Variants in DCAF6 observed in about 807,000 individuals in gnomAD.
DCAF6 encodes DDB1 and CUL4 associated factor 6, also known as DDB1- and CUL4-associated factor 6.
A neutral mutation model predicts 125.1 loss-of-function variants in DCAF6; 54 were observed. That is an observed-to-expected ratio of 0.43 (90% CI 0.35 to 0.54). The LOEUF is 0.54. Ranked by LOEUF, DCAF6 falls within the 20% of genes least tolerant of loss-of-function variation. The pLI, the probability that DCAF6 is intolerant of heterozygous loss-of-function variation, is 0.01. For missense variants in DCAF6, 934 were observed against 1,161.7 expected, an observed-to-expected ratio of 0.80 and a Z score of 2.85; for synonymous variants, 371 against 390.4, an observed-to-expected ratio of 0.95 and a Z score of 0.58.
the DCAF6 span, among the ~76,000 whole-genome samples, chr1:167,920,263 T>C: frequency 0.019 from 2,918 of 152,286 alleles, 65 homozygotes; most frequent in African/African-American, 0.049. Context: ...AATACTCAAT[T>C]CTTACATGAA....
chr1:167,920,204 A>C, the DCAF6 span: 2 of 677,040 alleles, frequency 3.0e-6, no homozygotes, highest in South Asian at 4.4e-5. Flanking sequence ...GGGACAAAGA[A>C]ATGCTATACT....
At position 168,002,564 on chromosome 1, in the gene DCAF6, G is replaced by A; in HGVS notation, c.986G>A (p.Arg329Gln). ...CCCAGAGCAAGGCCGGAGAGTGAAC[G>A]AGAACGAGATGGTAACTATACTTTG... ...TGPRARPESE[R>Q]ERDGEQSPNV... The change falls in exon 8 of 22, where the codon CGA becomes CAA. Residue 329 changes from arginine (R) to glutamine (Q), a missense_variant. Arg to Gln is a conservative substitution (Grantham distance 43). Coordinates refer to ENST00000367840, the MANE Select transcript of DCAF6 (RefSeq NM_001198956.2). 3.1e-6 allele frequency: 5 copies of A among 1,612,530 alleles called. No individual in the cohort carries two copies. Among genetic ancestry groups the A allele is most frequent in the Non-Finnish European group, 3.4e-6 (4 of 1,178,914 alleles).
intron 5 of DCAF6, among the ~76,000 whole-genome samples, chr1:167,988,924 C>CA (rs1206894256): frequency 1.3e-5 from 2 of 149,682 alleles, no homozygotes; most frequent in Non-Finnish European, 3.0e-5. Flanking sequence ...ACAAAAAATA[C>CA]AAAAAATTAG....
the DCAF6 span, among the ~76,000 whole-genome samples, chr1:167,866,801 G>A: frequency 1.3e-5 from 2 of 151,248 alleles, no homozygotes; most frequent in Non-Finnish European, 2.9e-5. Context: ...AATGGCAGTT[G>A]GAGTTTTAAC....
intron 12 of DCAF6, among the ~76,000 whole-genome samples, chr1:168,035,404 G>A (rs760272843): frequency 3.9e-5 from 6 of 152,104 alleles, no homozygotes; most frequent in Non-Finnish European, 7.4e-5. Flanking sequence ...CCATGATTTC[G>A]CCACTGCACT....
chr1:167,997,368 G>A (rs1340979281), intron 7 of DCAF6, among the ~76,000 whole-genome samples: 1 of 152,174 alleles, frequency 6.6e-6, no homozygotes, highest in East Asian at 1.9e-4. Context: ...GGAGTGATTA[G>A]TTGTTTGAGA....
chr1:167,979,258 T>C (rs1678727756), intron 4 of DCAF6, among the ~76,000 whole-genome samples: 1 of 152,174 alleles, frequency 6.6e-6, no homozygotes, highest in South Asian at 2.1e-4. Context: ...AAGACCATTT[T>C]AACATGATAG....
At chr1:167,974,721 C>G in intron 3 of DCAF6, 109 bp from the exon 4 acceptor site, 1 of 790,028 alleles carries the variant, frequency 1.3e-6, no homozygotes, top group Non-Finnish European at 1.8e-6. Flanking sequence ...TAATCTTTCA[C>G]TGAGATGAGA....
the DCAF6 span, among the ~76,000 whole-genome samples, chr1:167,885,466 T>C: frequency 6.6e-6 from 1 of 152,240 alleles, no homozygotes. Flanking sequence ...TGCCTGTCTT[T>C]TGGATAAAAG....
chr1:167,901,686 CT>C, the DCAF6 span: 1 of 1,614,174 alleles, frequency 6.2e-7, no homozygotes, highest in Non-Finnish European at 8.5e-7. Flanking sequence ...ATGTCTAGGC[CT>C]TCTTCCCACT....
the DCAF6 span, among the ~76,000 whole-genome samples, chr1:167,910,058 C>T: frequency 9.9e-5 from 15 of 152,256 alleles, no homozygotes; most frequent in Non-Finnish European, 1.9e-4. Flanking sequence ...TTAAAAGGGC[C>T]AGGAACTGTT....
At chr1:168,072,294 T>TAAAAAAAAAAAAAAAAAAAAAAAAA (rs59674650) in intron 21 of DCAF6, among the ~76,000 whole-genome samples, 1 of 41,016 alleles carries the variant, frequency 2.4e-5, no homozygotes, top group African/African-American at 8.2e-5. Flanking sequence ...AGAATCAGTC[T>TAAAAAAAAAAAAAAAAAAAAAAAAA]AAAAAAAAAA....
the DCAF6 span, among the ~76,000 whole-genome samples, chr1:167,872,278 C>CA: frequency 9.2e-5 from 14 of 151,660 alleles, no homozygotes; most frequent in African/African-American, 3.4e-4. Context: ...GCGGAGGTTA[C>CA]AGTAAGCCGA....
the DCAF6 span, chr1:167,901,589 G>A: frequency 5.0e-5 from 72 of 1,448,080 alleles, no homozygotes; most frequent in Non-Finnish European, 4.4e-5. Context: ...CTTCTCTTTG[G>A]GAGAGAGAGA....
the DCAF6 span, chr1:167,920,402 C>T: frequency 1.1e-6 from 1 of 875,448 alleles, no homozygotes; most frequent in African/African-American, 1.7e-5. Flanking sequence ...CCATCCATAA[C>T]TTAATAACTT....
chr1:168,033,281 C>T (rs1314974425), intron 12 of DCAF6, among the ~76,000 whole-genome samples: 1 of 148,018 alleles, frequency 6.8e-6, no homozygotes, highest in Non-Finnish European at 1.5e-5. Flanking sequence ...TGAGAGGTCT[C>T]TAGTAGCATT....
intron 17 of DCAF6, among the ~76,000 whole-genome samples, chr1:168,057,304 G>A (rs1691002170): frequency 6.6e-6 from 1 of 152,054 alleles, no homozygotes; most frequent in Admixed American, 6.5e-5. Context: ...AATGTGACTA[G>A]TACTTTTAAA....
intron 7 of DCAF6, among the ~76,000 whole-genome samples, chr1:168,001,463 G>A (rs1260704042): frequency 6.6e-6 from 1 of 152,082 alleles, no homozygotes; most frequent in East Asian, 1.9e-4. Context: ...ATCATTCACT[G>A]GTGACTGGTG....
intron 16 of DCAF6, among the ~76,000 whole-genome samples, chr1:168,049,431 GTTTTTTT>G (rs11369573): frequency 2.1e-4 from 21 of 101,214 alleles, no homozygotes; most frequent in African/African-American, 7.8e-4. Flanking sequence ...TGTTGTTGTT[GTTTTTTT>G]TTTTTTTTTT....
Sources: gnomAD v4.1 joint callset for allele counts (sites outside exome capture counted in the v4.1 genomes callset) on GRCh38, gnomAD v4.1.1 for gene constraint, MANE v1.5 for transcripts, NCBI Gene and HGNC (gene_info 2026-07-23, HGNC 2026-07-21) for gene names.